Variants in CACNB4 observed in about 807,000 individuals in gnomAD.
The protein encoded by CACNB4 is calcium voltage-gated channel auxiliary subunit beta 4.
In CACNB4, 32 loss-of-function variants were observed where a neutral mutation model predicts 71.2. The observed-to-expected ratio is 0.45, with a 90% CI of 0.34 to 0.60. CACNB4 has a LOEUF of 0.60. CACNB4 is among the 20% of genes least tolerant of loss of function. The pLI is 0.01. For synonymous variants in CACNB4, 231 were observed against 236.9 expected, an observed-to-expected ratio of 0.97 and a Z score of 0.23; for missense variants, 464 against 647.9, an observed-to-expected ratio of 0.72 and a Z score of 3.08.
intron 2 of CACNB4, among the ~76,000 whole-genome samples, chr2:152,078,148 CAA>C (rs1687144914): frequency 6.6e-6 from 1 of 152,142 alleles, no homozygotes; most frequent in Non-Finnish European, 1.5e-5. Context: ...AATATCAATC[CAA>C]AGTCCTTCTG....
At chr2:151,940,629 C>A (rs563180898) in intron 2 of CACNB4, among the ~76,000 whole-genome samples, 1 of 152,092 alleles carries the variant, frequency 6.6e-6, no homozygotes, top group African/African-American at 2.4e-5. Context: ...TTTATCCTAT[C>A]GGAACTTCAA....
intron 2 of CACNB4, chr2:151,936,134 T>C (rs1171179367): frequency 6.6e-6 from 1 of 152,240 alleles, no homozygotes; most frequent in African/African-American, 2.4e-5. Context: ...GTGCAATTCA[T>C]GGATTTTTCT....
At chr2:151,907,539 C>T (rs186162529) in intron 2 of CACNB4, among the ~76,000 whole-genome samples, 93 of 152,254 alleles carry the variant, frequency 6.1e-4, no homozygotes, top group Middle Eastern at 3.4e-3. Context: ...AACACTGGCA[C>T]GTTATTATTA....
intron 11 of CACNB4, chr2:151,854,306 A>C (rs1318700521): frequency 6.6e-6 from 1 of 152,292 alleles, no homozygotes; most frequent in Admixed American, 6.5e-5. Flanking sequence ...CTTTCAATCC[A>C]TTCTACTGAT....
At chr2:151,936,432 A>G (rs1315034525) in intron 2 of CACNB4, 1 of 152,228 alleles carries the variant, frequency 6.6e-6, no homozygotes. Context: ...AGAAGCATGA[A>G]ATGGTAGTCA....
intron 3 of CACNB4, among the ~76,000 whole-genome samples, chr2:151,881,674 G>T (rs1432020004): frequency 6.6e-6 from 1 of 152,202 alleles, no homozygotes; most frequent in African/African-American, 2.4e-5. Context: ...TGAGACACAA[G>T]ATTCCTGATA....
intron 2 of CACNB4, among the ~76,000 whole-genome samples, chr2:152,073,678 C>T (rs1806701): frequency 0.36 from 55,347 of 151,990 alleles, 10,906 homozygotes; most frequent in East Asian, 0.81. Context: ...AAAAATGGAA[C>T]AAAAGAGATA....
At chr2:151,951,590 G>A (rs1028259130) in intron 2 of CACNB4, among the ~76,000 whole-genome samples, 3 of 152,318 alleles carry the variant, frequency 2.0e-5, no homozygotes, top group Admixed American at 1.3e-4. Context: ...GCAATAAGAT[G>A]AGGTCCAGGC....
At chr2:151,998,410 G>T (rs1209069763) in intron 2 of CACNB4, among the ~76,000 whole-genome samples, 4 of 151,782 alleles carry the variant, frequency 2.6e-5, no homozygotes, top group Non-Finnish European at 5.9e-5. Flanking sequence ...ATCATCTGAG[G>T]TAGCAAAACC....
chr2:152,083,326 A>T (rs901375710), intron 2 of CACNB4, among the ~76,000 whole-genome samples: 1 of 144,716 alleles, frequency 6.9e-6, no homozygotes, highest in Non-Finnish European at 1.5e-5. Context: ...AAAGCAAGCA[A>T]GGAAAGCAAG....
intron 2 of CACNB4, among the ~76,000 whole-genome samples, chr2:152,080,206 C>T (rs958527765): frequency 1.3e-5 from 2 of 151,942 alleles, no homozygotes; most frequent in African/African-American, 2.4e-5. Context: ...ACTACAACCT[C>T]TGCCTCCTGG....
At chr2:151,892,966 T>A (rs1011936216) in intron 2 of CACNB4, among the ~76,000 whole-genome samples, 1 of 151,810 alleles carries the variant, frequency 6.6e-6, no homozygotes, top group Non-Finnish European at 1.5e-5. Context: ...ACTGAAAAAA[T>A]TAAAATCCAG....
chr2:151,955,398 G>C (rs552461450), intron 2 of CACNB4, among the ~76,000 whole-genome samples: 7 of 152,146 alleles, frequency 4.6e-5, no homozygotes, highest in Non-Finnish European at 4.4e-5. Flanking sequence ...TTGAGGGAAG[G>C]AAGGCAGAAA....
At chr2:151,958,726 A>T (rs913309419) in intron 2 of CACNB4, among the ~76,000 whole-genome samples, 2 of 151,986 alleles carry the variant, frequency 1.3e-5, no homozygotes, top group African/African-American at 4.8e-5. Context: ...TACTATTTCC[A>T]CAGCTTTTTA....
chr2:151,883,310 G>C lies in CACNB4; in HGVS notation c.208C>G (p.Arg70Gly). 1 of 1,613,610 alleles carries C rather than the reference G, an allele frequency of 6.2e-7. No individual in the cohort carries two copies. Among genetic ancestry groups the C allele is most frequent in the South Asian group, 1.1e-5 (1 of 91,072 alleles). The change falls in exon 3 of 14, where the codon CGG (arginine) becomes GGG (glycine). Residue 70 changes from arginine (R) to glycine (G), a missense_variant. Arg to Gly is a moderately radical substitution (Grantham distance 125). Transcript: ENST00000539935. ...TCTCTCTCCTGTCGAATTGCTTCCC[G>C]GTCCTCTTCCAAAGAGACATCGGAG... The part of the protein sequence containing the change: ...SDSDVSLEED[R>G]EAIRQEREQQ...
At chr2:151,865,799 T>TTTTA (rs1559890130) in intron 9 of CACNB4, 1 of 151,938 alleles carries the variant, frequency 6.6e-6, no homozygotes, top group African/African-American at 2.4e-5. Flanking sequence ...TTTTTTTTTT[T>TTTTA]ATTGAGACAG....
intron 2 of CACNB4, among the ~76,000 whole-genome samples, chr2:151,922,282 A>T (rs1054467680): frequency 3.9e-5 from 6 of 152,194 alleles, no homozygotes; most frequent in African/African-American, 1.4e-4. Context: ...AGCTCATTGC[A>T]GCCTCATCCT....
intron 2 of CACNB4, among the ~76,000 whole-genome samples, chr2:151,887,356 T>C (rs181007134): frequency 1.2e-4 from 18 of 151,780 alleles, no homozygotes; most frequent in Admixed American, 7.9e-4. Flanking sequence ...TACCATGTAG[T>C]GATAAAGTCA....
chr2:151,913,056 C>T (rs1455766465), intron 2 of CACNB4, among the ~76,000 whole-genome samples: 2 of 151,904 alleles, frequency 1.3e-5, no homozygotes, highest in African/African-American at 4.8e-5. Context: ...TTGAGCTTTA[C>T]ATGTCTTTGC....
Sources: gnomAD v4.1 joint callset for allele counts (sites outside exome capture counted in the v4.1 genomes callset) on GRCh38, gnomAD v4.1.1 for gene constraint, MANE v1.5 for transcripts, NCBI Gene and HGNC (gene_info 2026-07-23, HGNC 2026-07-21) for gene names.